The following MAP4K3 variants were observed in gnomAD, a reference collection of about 807,000 sequenced individuals.
MAP4K3 encodes the protein MAPK/ERK kinase kinase kinase 3.
MAP4K3 carries 94 observed loss-of-function variants against 143.5 expected under a neutral mutation model. The observed-to-expected ratio is 0.65, with a 90% CI of 0.55 to 0.78. The LOEUF is 0.78. Ranked by LOEUF, MAP4K3 falls within the 30% of genes least tolerant of loss-of-function variation. The pLI, the probability that MAP4K3 is intolerant of heterozygous loss-of-function variation, is 0.00. For synonymous variants in MAP4K3, 416 were observed against 347.2 expected, an observed-to-expected ratio of 1.20 and a Z score of -2.20; for missense variants, 1,077 against 1,068.1, an observed-to-expected ratio of 1.01 and a Z score of -0.12.
At chr2:39,353,523 C>G (rs753279349) in intron 3 of MAP4K3, among the ~76,000 whole-genome samples, 95 of 152,198 alleles carry the variant, frequency 6.2e-4, no homozygotes, top group Non-Finnish European at 1.2e-3. Flanking sequence ...CTACTTTTGT[C>G]TGTTTTACTT....
At chr2:39,424,234 G>A (rs781220896) in intron 1 of MAP4K3, among the ~76,000 whole-genome samples, 10 of 152,268 alleles carry the variant, frequency 6.6e-5, no homozygotes, top group Admixed American at 3.3e-4. Context: ...GTGAGCCATC[G>A]CGCCCGGCCT....
intron 7 of MAP4K3, among the ~76,000 whole-genome samples, chr2:39,332,738 C>A (rs1466909533): frequency 6.6e-6 from 1 of 151,948 alleles, no homozygotes; most frequent in Non-Finnish European, 1.5e-5. Context: ...ATCTTTTCTG[C>A]TTTTCCCATA....
At chr2:39,402,203 G>C (rs887642013) in intron 1 of MAP4K3, among the ~76,000 whole-genome samples, 1 of 152,170 alleles carries the variant, frequency 6.6e-6, no homozygotes, top group Non-Finnish European at 1.5e-5. Flanking sequence ...CACCAGAAAA[G>C]ATTAGTGAAC....
intron 1 of MAP4K3, among the ~76,000 whole-genome samples, chr2:39,402,542 AGAAAG>A (rs926064567): frequency 2.6e-5 from 4 of 152,286 alleles, no homozygotes; most frequent in East Asian, 1.9e-4. Context: ...AAGGAAAAAA[AGAAAG>A]GAAACAGGAA....
intron 3 of MAP4K3, 41 bp downstream of exon 3, chr2:39,356,208 G>A (rs777163517): frequency 8.2e-7 from 1 of 1,216,528 alleles, no homozygotes; most frequent in Non-Finnish European, 1.2e-6. Context: ...ATTAGGTGAT[G>A]AAATCATTAT....
chr2:39,391,267 G>A (rs1026711253), intron 1 of MAP4K3, among the ~76,000 whole-genome samples: 4 of 137,748 alleles, frequency 2.9e-5, no homozygotes, highest in Non-Finnish European at 6.1e-5. Context: ...GCTGAGGCAG[G>A]AGAATGGCGT....
chr2:39,404,436 C>G (rs1164209589), intron 1 of MAP4K3, among the ~76,000 whole-genome samples: 1 of 152,010 alleles, frequency 6.6e-6, no homozygotes, highest in South Asian at 2.1e-4. Flanking sequence ...TCAGCGGTAG[C>G]CTGACAGTAC....
rs774337724 is a variant in MAP4K3 at position 39,308,008 on chromosome 2, GT to G, written c.1057-4del. The G allele has an allele frequency of 3.8e-6, 6 of 1,592,052 alleles. No individual in the cohort carries two copies. In the South Asian group the frequency reaches 5.8e-5, roughly 15 times the overall value. ...TCCAAAAAACCATCACTGTCGGGCT[GT>G]TTAGCAGAGACCAAGAAACCCAAGT... On this transcript the variant is annotated splice_polypyrimidine_tract_variant and splice_region_variant and intron_variant, in intron 14 of 33. Transcript: ENST00000263881.
At chr2:39,426,483 A>G (rs1475346398) in intron 1 of MAP4K3, among the ~76,000 whole-genome samples, 2 of 152,086 alleles carry the variant, frequency 1.3e-5, no homozygotes, top group African/African-American at 4.8e-5. Context: ...TTGCAGTTTA[A>G]GTAAATGTCT....
intron 6 of MAP4K3, 48 bp downstream of exon 6, chr2:39,336,872 T>C: frequency 1.3e-6 from 1 of 785,690 alleles, no homozygotes; most frequent in Non-Finnish European, 2.0e-6. Context: ...TTGATCAGAG[T>C]ATTTAAAAAT....
intron 17 of MAP4K3, 53 bp downstream of exon 17, chr2:39,293,177 T>C: frequency 7.8e-7 from 1 of 1,278,696 alleles, no homozygotes; most frequent in Non-Finnish European, 1.1e-6. Flanking sequence ...GAAGGCAAAC[T>C]GACTTTACTT....
Position 39,313,527 on chromosome 2 carries a change from CTT to C in MAP4K3, c.997+1781_997+1782del, listed in dbSNP as rs958697747. Among the ~76,000 whole-genome samples the C allele has an allele frequency of 1.3e-4, 19 of 151,354 alleles. No homozygotes were observed. The East Asian group carries it at 1.9e-3, about 15-fold the overall frequency. On this transcript the variant is annotated intron_variant, in intron 13 of 33. Transcript: ENST00000263881. ...CTTTCTCTCTCTCTTCTCTCTCTCT[CTT>C]TCTTTCAATTGAGACACTGTCGCCA...
At position 39,282,499 on chromosome 2, in the gene MAP4K3, T is replaced by C. The variant is rs1478272285; in HGVS notation, c.1629+14A>G. The C allele has an allele frequency of 2.5e-6, 4 of 1,604,960 alleles. No individual in the cohort carries two copies. The highest frequency in any genetic ancestry group is 3.4e-6 in the Non-Finnish European group (4 of 1,173,430). On this transcript the variant is annotated intron_variant, in intron 22 of 33. Coordinates refer to ENST00000263881, the MANE Select transcript of MAP4K3 (RefSeq NM_003618.4). ...TTAGCTTGAAACTTAGCCTACTCCATATTTAGTACTTACATGCACTTTAGG... is the reference window on the plus strand; with the variant it reads ...TTAGCTTGAAACTTAGCCTACTCCACATTTAGTACTTACATGCACTTTAGG...
intron 7 of MAP4K3, 77 bp downstream of exon 7, chr2:39,333,455 G>T: frequency 2.7e-6 from 3 of 1,121,340 alleles, no homozygotes; most frequent in Non-Finnish European, 2.7e-6. Flanking sequence ...GGAAAACCTG[G>T]TCCTACAAAG....
chr2:39,327,834 T>A (rs917875347), intron 8 of MAP4K3, among the ~76,000 whole-genome samples: 3 of 151,620 alleles, frequency 2.0e-5, no homozygotes, highest in African/African-American at 7.3e-5. Flanking sequence ...CGCTCCTAAC[T>A]TGCCTCCCCT....
chr2:39,356,439 A>G, intron 2 of MAP4K3, 100 bp from the exon 3 acceptor site: 1 of 668,392 alleles, frequency 1.5e-6, no homozygotes, highest in Non-Finnish European at 2.6e-6. Context: ...TAATAAGTAT[A>G]ACATAATTAA....
chr2:39,326,189 G>A lies in MAP4K3; in HGVS notation c.619C>T (p.Leu207Phe), dbSNP rs1274981759. ...LWAVGITAIE[L>F]AELQPPMFDL... ...AACATAGGAGGCTGAAGCTCTGCAA[G>A]TTCTATGGCAGTGATTCCCACTGCC... The change falls in exon 9 of 34, where the codon CTT becomes TTT. Residue 207 changes from leucine to phenylalanine, a missense_variant. Around this residue, in one of 2 missense-constraint regions of MAP4K3, gnomAD observed 213 missense variants for 266.8 expected, o/e 0.80. Transcript: ENST00000263881. 3.1e-6 allele frequency: 5 copies of A among 1,613,850 alleles called. No individual in the cohort carries two copies. The highest frequency in any genetic ancestry group is 1.7e-6 in the Non-Finnish European group (2 of 1,179,934).
chr2:39,294,544 C>A (rs1318886133), intron 16 of MAP4K3, among the ~76,000 whole-genome samples: 1 of 152,208 alleles, frequency 6.6e-6, no homozygotes, highest in East Asian at 1.9e-4. Context: ...TGCAGACAGG[C>A]TTTAAAGCCA....
intron 8 of MAP4K3, among the ~76,000 whole-genome samples, chr2:39,327,507 T>C (rs1349622615): frequency 6.6e-6 from 1 of 152,152 alleles, no homozygotes; most frequent in East Asian, 1.9e-4. Context: ...ACAATATTTT[T>C]AAAAGCAACT....
Sources: gnomAD v4.1 joint callset for allele counts (sites outside exome capture counted in the v4.1 genomes callset) on GRCh38, gnomAD v4.1.1 for gene constraint, gnomAD v4.1.1 regional missense constraint, MANE v1.5 for transcripts, NCBI Gene and HGNC (gene_info 2026-07-23, HGNC 2026-07-21) for gene names.